ZFAND3: variants seen among roughly 807,000 people sequenced by gnomAD.
The protein encoded by ZFAND3 is zinc finger AN1-type containing 3, also known as AN1-type zinc finger protein 3.
A neutral mutation model predicts 29.6 loss-of-function variants in ZFAND3; 10 were observed. The observed-to-expected ratio is 0.34, with a 90% CI of 0.21 to 0.57. The LOEUF (loss-of-function observed/expected upper bound fraction) is 0.57, where lower values mean the gene tolerates loss of function less well. ZFAND3 is among the 20% of genes least tolerant of loss of function. The pLI, the probability that ZFAND3 is intolerant of heterozygous loss-of-function variation, is 0.86. For synonymous variants in ZFAND3, 128 were observed against 112.6 expected (o/e 1.14, Z -0.87); for missense variants, 230 against 304.5 (o/e 0.76, Z 1.82).
chr6:37,872,193 C>T (rs1010728209), intron 1 of ZFAND3, among the ~76,000 whole-genome samples: 2 of 152,176 alleles, frequency 1.3e-5, no homozygotes, highest in Non-Finnish European at 2.9e-5. Context: ...TAGGCCTTCC[C>T]TCAGGCAAAA....
intron 1 of ZFAND3, among the ~76,000 whole-genome samples, chr6:37,867,849 T>C (rs1404527624): frequency 6.6e-6 from 1 of 152,202 alleles, no homozygotes; most frequent in East Asian, 1.9e-4. Context: ...AAAAGTACTT[T>C]GGGTGAAAGA....
At chr6:38,149,041 A>G (rs1766167583) in intron 5 of ZFAND3, among the ~76,000 whole-genome samples, 1 of 152,098 alleles carries the variant, frequency 6.6e-6, no homozygotes, top group South Asian at 2.1e-4. Flanking sequence ...CTGCTGTTTA[A>G]TAGTTTTTAC....
At chr6:37,990,152 T>C in intron 2 of ZFAND3, among the ~76,000 whole-genome samples, 1 of 152,192 alleles carries the variant, frequency 6.6e-6, no homozygotes, top group East Asian at 1.9e-4. Context: ...TTTGACTCTC[T>C]AGGTCTGGGT....
rs2145888 is a variant in ZFAND3, at chr6:38,101,759, C to T, written c.362-14813C>T. 0.019 allele frequency among the ~76,000 whole-genome samples: 2,152 copies of T among 112,412 alleles called. 220 individuals carry two copies. The East Asian group carries it at 0.3, about 16-fold the overall frequency. 73.7% of individuals were successfully genotyped at this position (112,412 alleles called of 152,430 possible). ...ACTGTACTCCAGCCTGGCAACAGAGCGAGACTCCCTCTCAAAAAAAAAAAA... is the reference window on the plus strand; with the variant it reads ...ACTGTACTCCAGCCTGGCAACAGAGTGAGACTCCCTCTCAAAAAAAAAAAA... On this transcript the variant is annotated intron_variant, in intron 4 of 5. Transcript: ENST00000287218.
chr6:37,985,527 A>ACACACACACACACACCC (rs753070737), intron 2 of ZFAND3, among the ~76,000 whole-genome samples: 1 of 141,656 alleles, frequency 7.1e-6, no homozygotes, highest in Non-Finnish European at 1.6e-5. Context: ...ACACACACAC[A>ACACACACACACACACCC]CCCCCACACA....
chr6:37,962,701 A>G (rs1244844295), intron 2 of ZFAND3, among the ~76,000 whole-genome samples: 1 of 152,214 alleles, frequency 6.6e-6, no homozygotes, highest in Non-Finnish European at 1.5e-5. Flanking sequence ...TGGACCAATC[A>G]GCAGGATGTG....
intron 2 of ZFAND3, among the ~76,000 whole-genome samples, chr6:37,961,535 G>A (rs1475868966): frequency 1.3e-5 from 2 of 152,258 alleles, no homozygotes; most frequent in African/African-American, 4.8e-5. Context: ...TGTGGTTACA[G>A]TGGGCCTTGG....
At chr6:37,838,257 AGTT>A (rs774349069) in intron 1 of ZFAND3, among the ~76,000 whole-genome samples, 14 of 152,324 alleles carry the variant, frequency 9.2e-5, no homozygotes, top group Non-Finnish European at 1.6e-4. Flanking sequence ...TGGAAGGTAA[AGTT>A]GTTGTTTTGT....
chr6:38,091,690 C>CTTTTT (rs1561995690), intron 4 of ZFAND3, among the ~76,000 whole-genome samples: 1 of 101,006 alleles, frequency 9.9e-6, no homozygotes, highest in Non-Finnish European at 2.2e-5. Flanking sequence ...CATTAAGGAG[C>CTTTTT]CTTTTTTTTT....
rs1021706838 is a variant in ZFAND3 at position 37,891,306 on chromosome 6, T to C, written c.72-38653T>C. Among the ~76,000 whole-genome samples the C allele has an allele frequency of 2.6e-5, 4 of 152,112 alleles. No individual in the cohort carries two copies. In the South Asian group the frequency reaches 6.2e-4, roughly 24 times the overall value. On this transcript the variant is annotated intron_variant, in intron 1 of 5. Transcript: ENST00000287218. ...TATATGGTTGTTACCATTTTTTGTT[T>C]AGTCATTCATTAGTTGATGGGCATT...
At chr6:38,033,404 A>G (rs1346327632) in intron 2 of ZFAND3, among the ~76,000 whole-genome samples, 1 of 152,118 alleles carries the variant, frequency 6.6e-6, no homozygotes, top group Non-Finnish European at 1.5e-5. Flanking sequence ...AGTTGATGTC[A>G]TTGCACCAGC....
At chr6:38,041,070 C>T (rs914743831) in intron 2 of ZFAND3, among the ~76,000 whole-genome samples, 5 of 152,098 alleles carry the variant, frequency 3.3e-5, no homozygotes, top group African/African-American at 9.7e-5. Context: ...TTTTTCTTGA[C>T]CTTTGATATT....
intron 5 of ZFAND3, among the ~76,000 whole-genome samples, chr6:38,149,201 A>C (rs915042982): frequency 7.2e-5 from 11 of 151,988 alleles, no homozygotes; most frequent in African/African-American, 2.2e-4. Flanking sequence ...TGAAGCCAGG[A>C]GTGTGAGACC....
chr6:38,069,811 A>G (rs1272888104), intron 3 of ZFAND3, among the ~76,000 whole-genome samples: 1 of 152,252 alleles, frequency 6.6e-6, no homozygotes, highest in African/African-American at 2.4e-5. Flanking sequence ...AAGTACTGGT[A>G]GTATCATCTG....
intron 2 of ZFAND3, among the ~76,000 whole-genome samples, chr6:38,056,052 A>G (rs1037044309): frequency 5.9e-5 from 9 of 152,198 alleles, no homozygotes; most frequent in Non-Finnish European, 1.0e-4. Context: ...TGCCAATAGA[A>G]TTTGATAATA....
At chr6:38,128,705 GTATATA>G (rs571026929) in intron 5 of ZFAND3, among the ~76,000 whole-genome samples, 4 of 151,968 alleles carry the variant, frequency 2.6e-5, no homozygotes, top group Non-Finnish European at 5.9e-5. Context: ...ATGTATATAT[GTATATA>G]TATACACCAC....
At chr6:38,102,912 A>G (rs1410160600) in intron 4 of ZFAND3, among the ~76,000 whole-genome samples, 2 of 152,044 alleles carry the variant, frequency 1.3e-5, no homozygotes, top group Non-Finnish European at 2.9e-5. Flanking sequence ...GCGTGCCACC[A>G]TGTCCAACTA....
intron 3 of ZFAND3, among the ~76,000 whole-genome samples, chr6:38,078,218 A>T (rs73730865): frequency 6.6e-6 from 1 of 152,186 alleles, no homozygotes; most frequent in African/African-American, 2.4e-5. Flanking sequence ...TGCAAATGTG[A>T]TCCATAGTGC....
chr6:37,984,216 G>C (rs779584788), intron 2 of ZFAND3, among the ~76,000 whole-genome samples: 15 of 152,164 alleles, frequency 9.9e-5, no homozygotes, highest in Non-Finnish European at 1.9e-4. Flanking sequence ...GCAAGATAGA[G>C]CATGAAATTT....
Sources: allele counts gnomAD v4.1 joint callset (sites outside exome capture counted in the v4.1 genomes callset), GRCh38; gene constraint gnomAD v4.1.1; transcripts MANE v1.5; gene names NCBI Gene and HGNC (gene_info 2026-07-23, HGNC 2026-07-21).